Variants in ERICH1 observed in about 807,000 individuals in gnomAD.
ERICH1 encodes glutamate-rich protein 1.
In ERICH1, 56 loss-of-function variants were observed where a neutral mutation model predicts 39.6. The ratio of observed to expected loss-of-function variants is 1.41; its 90% CI spans 1.14 to 1.77. The LOEUF is 1.77. ERICH1 is among the 40% of genes most tolerant of loss of function. ERICH1 has a pLI of 0.00. For synonymous variants in ERICH1, 313 were observed against 223.6 expected, an observed-to-expected ratio of 1.40 and a Z score of -3.57; for missense variants, 826 against 575.4, an observed-to-expected ratio of 1.44 and a Z score of -4.45.
At chr8:726,814 C>G (rs1818832014) in intron 1 of ERICH1, among the ~76,000 whole-genome samples, 1 of 151,308 alleles carries the variant, frequency 6.6e-6, no homozygotes, top group Non-Finnish European at 1.5e-5. Context: ...TGGACACACA[C>G]CACACATGCA....
At chr8:619,194 C>T (rs1337893961) in intron 3 of ERICH1, among the ~76,000 whole-genome samples, 1 of 152,014 alleles carries the variant, frequency 6.6e-6, no homozygotes, top group Non-Finnish European at 1.5e-5. Context: ...ACCTCCCAGC[C>T]CCGTGTTAAA....
intron 3 of ERICH1, among the ~76,000 whole-genome samples, chr8:642,944 G>A (rs1188719416): frequency 6.6e-6 from 1 of 152,204 alleles, no homozygotes; most frequent in Non-Finnish European, 1.5e-5. Flanking sequence ...CCTCCTGACT[G>A]AGTGTGCAGG....
chr8:645,227 T>C lies in ERICH1; in HGVS notation c.976+23371A>G, dbSNP rs1383355827. Among the ~76,000 whole-genome samples the C allele has an allele frequency of 3.0e-5, 2 of 67,546 alleles. 1 individual carries two copies. Among genetic ancestry groups the C allele is most frequent in the Admixed American group, 2.6e-4 (2 of 7,762 alleles). 44.3% of individuals were successfully genotyped at this position (67,546 alleles called of 152,430 possible). ...GTTGAGCTGTGACCGCAGACGCGCTTTCCTTGCTTTGGGACGCACCTGCAA... is the reference window on the plus strand; with the variant it reads ...GTTGAGCTGTGACCGCAGACGCGCTCTCCTTGCTTTGGGACGCACCTGCAA... On this transcript the variant is annotated intron_variant, in intron 3 of 3. Coordinates refer to the ERICH1 transcript ENST00000522706.
intron 3 of ERICH1, chr8:626,822 A>T (rs1797617611): frequency 3.9e-6 from 1 of 256,374 alleles, no homozygotes; most frequent in African/African-American, 2.2e-5. Flanking sequence ...ATATCACATC[A>T]TGGAGTTTTT....
intron 3 of ERICH1, among the ~76,000 whole-genome samples, chr8:620,565 C>T (rs1428797711): frequency 6.6e-6 from 1 of 152,032 alleles, no homozygotes; most frequent in Non-Finnish European, 1.5e-5. Context: ...AAATCCAGTG[C>T]AGCTTTTAAA....
chr8:703,102 C>T (rs1302502561), intron 2 of ERICH1, among the ~76,000 whole-genome samples: 1 of 152,232 alleles, frequency 6.6e-6, no homozygotes, highest in Non-Finnish European at 1.5e-5. Flanking sequence ...GAATTTCAGG[C>T]AGAAGGGCCT....
chr8:616,663 G>A, intron 3 of ERICH1: 1 of 452,810 alleles, frequency 2.2e-6, no homozygotes, highest in Non-Finnish European at 4.4e-6. Flanking sequence ...GGGGGCGCGG[G>A]GGACAGAGGC....
At chr8:686,972 G>A (rs564794855) in intron 3 of ERICH1, among the ~76,000 whole-genome samples, 3 of 152,290 alleles carry the variant, frequency 2.0e-5, no homozygotes, top group East Asian at 3.9e-4. Context: ...ACCCACCCAC[G>A]AGCCACTCTG....
intron 4 of ERICH1, among the ~76,000 whole-genome samples, chr8:672,559 T>C (rs377479783): frequency 1.3e-5 from 2 of 152,104 alleles, no homozygotes; most frequent in African/African-American, 4.8e-5. Context: ...GGTAACGTCA[T>C]TGAAAAGACA....
At chr8:729,197 T>C (rs1819465304) in intron 1 of ERICH1, among the ~76,000 whole-genome samples, 1 of 152,048 alleles carries the variant, frequency 6.6e-6, no homozygotes, top group African/African-American at 2.4e-5. Context: ...CATCCGGCGG[T>C]GAATAAACGA....
chr8:709,331 C>A (rs1275852927), intron 2 of ERICH1, among the ~76,000 whole-genome samples: 3 of 152,208 alleles, frequency 2.0e-5, no homozygotes, highest in Non-Finnish European at 4.4e-5. Flanking sequence ...GAGACCATGT[C>A]ACCGAGGGAA....
At position 675,118 on chromosome 8, in the gene ERICH1, G is replaced by C. The variant is rs557202293; in HGVS notation, c.305-1071C>G. On this transcript the variant is annotated intron_variant, in intron 3 of 5. Transcript: ENST00000262109. ...AACACCTCAGTGAGGACAGAGACGT[G>C]GCGGCCCCTCGGCGAGGACAGAGAC... is the stretch of plus-strand genomic sequence containing the variant. 1.1e-4 allele frequency among the ~76,000 whole-genome samples: 17 copies of C among 149,494 alleles called. 4 individuals are homozygous for C. Among genetic ancestry groups the C allele is most frequent in the African/African-American group, 4.2e-4 (17 of 40,412 alleles).
intron 2 of ERICH1, among the ~76,000 whole-genome samples, chr8:714,898 G>A (rs942005308): frequency 1.4e-5 from 2 of 140,262 alleles, no homozygotes; most frequent in Non-Finnish European, 3.1e-5. Flanking sequence ...GTGCTGCACA[G>A]AGGTGACCTC....
At chr8:670,373 G>C (rs1803024523) in intron 4 of ERICH1, among the ~76,000 whole-genome samples, 1 of 151,976 alleles carries the variant, frequency 6.6e-6, no homozygotes, top group Non-Finnish European at 1.5e-5. Flanking sequence ...CCTGTCTCGT[G>C]GCATGCCCGG....
chr8:633,534 A>G (rs6991184), intron 3 of ERICH1, among the ~76,000 whole-genome samples: 2,262 of 152,188 alleles, frequency 0.015, 45 homozygotes, highest in African/African-American at 0.049. Context: ...AAACAGAAAA[A>G]CCCACCCTAA....
intron 3 of ERICH1, among the ~76,000 whole-genome samples, chr8:685,818 G>A (rs903624100): frequency 5.3e-5 from 8 of 151,952 alleles, no homozygotes; most frequent in Non-Finnish European, 2.9e-5. Context: ...ATTCCTGAGA[G>A]TCTCTTCAGC....
intron 2 of ERICH1, among the ~76,000 whole-genome samples, chr8:704,035 C>A (rs1183017366): frequency 2.0e-5 from 3 of 152,106 alleles, no homozygotes; most frequent in South Asian, 4.2e-4. Context: ...CCACAGGAAT[C>A]GAGAATGATG....
chr8:644,458 C>T lies in ERICH1; in HGVS notation c.976+24140G>A, dbSNP rs1799373227. ...AGACTTACCCGTGAGAGTCAAATAG[C>T]ACAACCCATTTGTCAGCTAAGACTG... On this transcript the variant is annotated intron_variant, in intron 3 of 3. Transcript: ENST00000522706. Among the ~76,000 whole-genome samples the T allele has an allele frequency of 2.5e-4, 4 of 15,844 alleles. 2 individuals carry two copies. The highest frequency in any genetic ancestry group is 1.0e-3 in the Admixed American group (2 of 1,964). The allele number at this position is 15,844 out of a possible 152,430, so 10.4% of individuals were successfully genotyped here.
intron 4 of ERICH1, among the ~76,000 whole-genome samples, chr8:671,369 C>T (rs1017989418): frequency 1.4e-5 from 2 of 145,166 alleles, no homozygotes; most frequent in East Asian, 2.1e-4. Context: ...CTGAACCTGC[C>T]GGCCCCGGCT....
Sources: allele counts gnomAD v4.1 joint callset (sites outside exome capture counted in the v4.1 genomes callset), GRCh38; gene constraint gnomAD v4.1.1; transcripts MANE v1.5; gene names NCBI Gene and HGNC (gene_info 2026-07-23, HGNC 2026-07-21).